The following ADAM32 variants were observed in gnomAD, a reference collection of about 807,000 sequenced individuals.
ADAM32 encodes ADAM metallopeptidase domain 32.
Under a neutral mutation model 114.9 loss-of-function variants are expected in ADAM32, and 89 were observed. That is an observed-to-expected ratio of 0.77 (90% CI 0.65 to 0.92). The LOEUF (loss-of-function observed/expected upper bound fraction) is 0.92, where lower values mean the gene tolerates loss of function less well. ADAM32 is among the 40% of genes least tolerant of loss of function. The pLI, the probability that ADAM32 is intolerant of heterozygous loss-of-function variation, is 0.00. For synonymous variants in ADAM32, 285 were observed against 307.5 expected, an observed-to-expected ratio of 0.93 and a Z score of 0.77; for missense variants, 870 against 932.8, an observed-to-expected ratio of 0.93 and a Z score of 0.88.
At chr8:39,255,073 G>A (rs1480942440) in intron 18 of ADAM32, among the ~76,000 whole-genome samples, 1 of 151,888 alleles carries the variant, frequency 6.6e-6, no homozygotes, top group East Asian at 1.9e-4. Flanking sequence ...TGGCTGAGTA[G>A]TATTCCATGG....
intron 10 of ADAM32, among the ~76,000 whole-genome samples, chr8:39,175,041 G>C (rs1318852761): frequency 6.6e-6 from 1 of 152,170 alleles, no homozygotes; most frequent in African/African-American, 2.4e-5. Flanking sequence ...TTTGTATCCT[G>C]AGACATTGCT....
chr8:39,265,838 C>G (rs1479292371), intron 19 of ADAM32, among the ~76,000 whole-genome samples: 2 of 152,130 alleles, frequency 1.3e-5, no homozygotes, highest in Non-Finnish European at 2.9e-5. Flanking sequence ...CCTTAAGGAC[C>G]TGTTATAAGG....
At chr8:39,142,502 C>A (rs1304779436) in intron 3 of ADAM32, among the ~76,000 whole-genome samples, 4 of 152,138 alleles carry the variant, frequency 2.6e-5, no homozygotes, top group Non-Finnish European at 5.9e-5. Context: ...GTTGAAAATT[C>A]TTTTCTTTAC....
intron 24 of ADAM32, among the ~76,000 whole-genome samples, chr8:39,284,290 A>G (rs1170712049): frequency 6.6e-6 from 1 of 152,032 alleles, no homozygotes; most frequent in African/African-American, 2.4e-5. Context: ...CATTTTATTC[A>G]TTAGGCAGCA....
intron 16 of ADAM32, 78 bp downstream of exon 16, chr8:39,234,160 AT>A: frequency 9.6e-7 from 1 of 1,042,536 alleles, no homozygotes; most frequent in Non-Finnish European, 1.3e-6. Context: ...TCAAATTTTA[AT>A]TTAGTGCTAG....
At chr8:39,114,329 T>C (rs569758673) in intron 1 of ADAM32, among the ~76,000 whole-genome samples, 3 of 152,326 alleles carry the variant, frequency 2.0e-5, no homozygotes, top group South Asian at 4.1e-4. Context: ...ATTCCTGTGG[T>C]TGCATGGCAA....
At chr8:39,279,006 C>A (rs965102425) in intron 22 of ADAM32, among the ~76,000 whole-genome samples, 2 of 151,760 alleles carry the variant, frequency 1.3e-5, no homozygotes, top group Non-Finnish European at 2.9e-5. Context: ...TATTTATTCC[C>A]CCCTCAATTA....
At position 39,144,010 on chromosome 8, in the gene ADAM32, G is replaced by A. The variant is rs532220191; in HGVS notation, c.201-3120G>A. Among the ~76,000 whole-genome samples the A allele has an allele frequency of 2.0e-5, 3 of 152,324 alleles. No homozygotes were observed. The South Asian group carries it at 6.2e-4, about 32-fold the overall frequency. The stretch of plus-strand genomic sequence containing the variant: ...ACTAGCAGTGAGAAAGGCTCCATGG[G>A]CATGGGACCTGCTGAGGCAGACACA... On this transcript the variant is annotated intron_variant, in intron 3 of 24. Transcript: ENST00000379907.
chr8:39,158,539 G>A (rs1804300294), intron 6 of ADAM32: 1 of 343,764 alleles, frequency 2.9e-6, no homozygotes, highest in Non-Finnish European at 5.6e-6. Context: ...CCCACACGAT[G>A]TGTCATGCCA....
At chr8:39,140,975 T>C (rs1803115805) in intron 3 of ADAM32, among the ~76,000 whole-genome samples, 1 of 152,212 alleles carries the variant, frequency 6.6e-6, no homozygotes, top group African/African-American at 2.4e-5. Context: ...TTCTAGTTTA[T>C]TTGCATAGAG....
In ADAM32 at chr8:39,179,439, A is replaced by C. The variant is rs150709957; in HGVS notation, c.916-7470A>C. On this transcript the variant is annotated intron_variant, in intron 10 of 24. Transcript: ENST00000379907. Reference sequence around the variant, plus strand: ...TGGATTCAGCCCCCTTCCTACAGGAATGCATGAATGGATCTCCCGCCTGGC... The same window carrying C: ...TGGATTCAGCCCCCTTCCTACAGGACTGCATGAATGGATCTCCCGCCTGGC... 5.3e-3 allele frequency among the ~76,000 whole-genome samples: 806 copies of C among 152,302 alleles called. 20 individuals are homozygous for C. The highest frequency in any genetic ancestry group is 7.9e-3 in the East Asian group (41 of 5,170).
chr8:39,149,033 A>C (rs1043175755), intron 4 of ADAM32, among the ~76,000 whole-genome samples: 2 of 152,098 alleles, frequency 1.3e-5, no homozygotes, highest in East Asian at 1.9e-4. Flanking sequence ...ATATATTCTA[A>C]AGTTTTTAGG....
intron 1 of ADAM32, among the ~76,000 whole-genome samples, chr8:39,115,006 T>C (rs943344081): frequency 6.6e-5 from 10 of 152,252 alleles, no homozygotes; most frequent in African/African-American, 9.6e-5. Flanking sequence ...TTGTTTAGGA[T>C]AGTGGCCTCC....
intron 11 of ADAM32, among the ~76,000 whole-genome samples, chr8:39,208,860 G>A (rs564424865): frequency 1.7e-4 from 26 of 152,180 alleles, no homozygotes; most frequent in South Asian, 4.2e-4. Context: ...TATTATATGC[G>A]TTGAGGTAGT....
intron 11 of ADAM32, among the ~76,000 whole-genome samples, chr8:39,203,226 A>G (rs927257410): frequency 5.9e-5 from 9 of 151,956 alleles, no homozygotes; most frequent in African/African-American, 1.5e-4. Context: ...AATGTTGACA[A>G]TGGGGTGTTA....
In ADAM32 at chr8:39,238,788, G is replaced by A. The variant is rs113748166; in HGVS notation, c.1818+4706G>A. Among the ~76,000 whole-genome samples the A allele has an allele frequency of 8.8e-3, 1,340 of 152,054 alleles. 7 individuals carry two copies. Among genetic ancestry groups the A allele is most frequent in the Non-Finnish European group, 0.015 (1,000 of 67,976 alleles). ...AGAGAAATGCAAAATACACTGGAAA[G>A]TTTCAACAATAGAATTGAACAAGTA... is the stretch of plus-strand genomic sequence containing the variant. On this transcript the variant is annotated intron_variant, in intron 16 of 24. Transcript: ENST00000379907.
intron 11 of ADAM32, among the ~76,000 whole-genome samples, chr8:39,210,100 G>T (rs1207122622): frequency 6.6e-6 from 1 of 152,176 alleles, no homozygotes; most frequent in East Asian, 1.9e-4. Flanking sequence ...CTGGGGTGAT[G>T]AATTTTCTTC....
In ADAM32 at chr8:39,198,937, A is replaced by T. The variant is rs146493503; in HGVS notation, c.1052+11892A>T. On this transcript the variant is annotated intron_variant, in intron 11 of 24. Coordinates refer to ENST00000379907, the MANE Select transcript of ADAM32 (RefSeq NM_145004.7). The stretch of plus-strand genomic sequence containing the variant: ...TCTTTGTTTTTTTCTTGTCTGAAAA[A>T]GACATTCTATTTCTCTTTCATTTTT... Among the ~76,000 whole-genome samples, 9 of 152,254 alleles carry T rather than the reference A, an allele frequency of 5.9e-5. No homozygotes were observed. In the East Asian group the frequency reaches 1.7e-3, roughly 29 times the overall value.
intron 19 of ADAM32, among the ~76,000 whole-genome samples, chr8:39,259,291 C>A (rs994403582): frequency 6.6e-6 from 1 of 151,966 alleles, no homozygotes; most frequent in Admixed American, 6.6e-5. Flanking sequence ...CCTTAGCTCG[C>A]CGGGTTCAAG....
Sources: allele counts gnomAD v4.1 joint callset (sites outside exome capture counted in the v4.1 genomes callset), GRCh38; gene constraint gnomAD v4.1.1; transcripts MANE v1.5; gene names NCBI Gene and HGNC (gene_info 2026-07-23, HGNC 2026-07-21).